SETBP1: variants seen among roughly 807,000 people sequenced by gnomAD.
SETBP1 encodes the protein SET-binding protein.
Under a neutral mutation model 101.0 loss-of-function variants are expected in SETBP1, and 9 were observed. That is an observed-to-expected ratio of 0.09 (90% CI 0.05 to 0.16). The LOEUF is 0.16. Among genes scored for constraint, SETBP1 ranks in the 10% least tolerant of loss-of-function variants. The pLI is 1.00. For synonymous variants in SETBP1, 818 were observed against 788.5 expected (o/e 1.04, Z -0.63); for missense variants, 1,858 against 2,033.8 (o/e 0.91, Z 1.66).
At chr18:44,834,384 G>T (rs1228904820) in intron 2 of SETBP1, among the ~76,000 whole-genome samples, 1 of 152,194 alleles carries the variant, frequency 6.6e-6, no homozygotes, top group Non-Finnish European at 1.5e-5. Flanking sequence ...ATGGTTAATT[G>T]CTAAGTACGT....
At chr18:45,030,125 C>A (rs1314316341) in intron 4 of SETBP1, among the ~76,000 whole-genome samples, 2 of 149,692 alleles carry the variant, frequency 1.3e-5, no homozygotes, top group East Asian at 2.0e-4. Context: ...TTTGCCCATT[C>A]CGTATGATAT....
chr18:44,978,587 A>T (rs947993967), intron 4 of SETBP1, among the ~76,000 whole-genome samples: 6 of 152,218 alleles, frequency 3.9e-5, no homozygotes, highest in African/African-American at 1.4e-4. Flanking sequence ...GCTCCATTTA[A>T]CAGATTTAAC....
rs781396563 is a variant in SETBP1, at chr18:44,952,348, C to T, written c.3008C>T (p.Pro1003Leu). The change falls in exon 4 of 6, where the codon CCG (proline) becomes CTG (leucine). Residue 1003 changes from proline to leucine, a missense_variant. Transcript: ENST00000649279. ...CCGGTGCCATATATCCAGTATGACC[C>T]GTTGCTCTATCTTCGTAGGACTTCA... ...YYPVPYIQYDPLLYLRRTSDL... is the reference protein window; with the variant it reads ...YYPVPYIQYDLLLYLRRTSDL... The T allele has an allele frequency of 6.2e-7, 1 of 1,614,022 alleles. No individual in the cohort carries two copies. The highest frequency in any genetic ancestry group is 8.5e-7 in the Non-Finnish European group (1 of 1,180,014).
At position 45,038,497 on chromosome 18, in the gene SETBP1, C is replaced by A. The variant is rs1371131261; in HGVS notation, c.4013C>A (p.Pro1338His). 2 of 1,613,912 alleles carry A rather than the reference C, an allele frequency of 1.2e-6. No homozygotes were observed. The highest frequency in any genetic ancestry group is 2.7e-5 in the African/African-American group (2 of 74,864). ...DSSMSPGMPS[P>H]HLKVDQTAVH... is the part of the protein sequence containing the mutation. ...TGTTATTTTTTAGGGATGCCAAGTCCCCACTTAAAAGTGGACCAGACAGCA... is the reference window on the plus strand; with the variant it reads ...TGTTATTTTTTAGGGATGCCAAGTCACCACTTAAAAGTGGACCAGACAGCA... Residue 1338 changes from proline (P) to histidine (H), a missense_variant, in exon 5 of 6, where the codon CCC becomes CAC. By Grantham distance (77) the Pro-to-His change is moderately conservative. Coordinates refer to ENST00000649279, the MANE Select transcript of SETBP1 (RefSeq NM_015559.3).
At chr18:44,729,426 GGC>G (rs2069786644) in intron 2 of SETBP1, among the ~76,000 whole-genome samples, 1 of 152,196 alleles carries the variant, frequency 6.6e-6, no homozygotes, top group Non-Finnish European at 1.5e-5. Flanking sequence ...TGATATAAAA[GGC>G]ATTAAGCAGG....
intron 2 of SETBP1, among the ~76,000 whole-genome samples, chr18:44,857,981 A>G (rs1462213108): frequency 6.6e-6 from 1 of 152,148 alleles, no homozygotes; most frequent in African/African-American, 2.4e-5. Context: ...TGAGACGCAA[A>G]TACACACATA....
chr18:44,701,262 T>G lies in SETBP1; in HGVS notation c.-85T>G. On this transcript the variant is annotated 5_prime_UTR_variant, in exon 2 of 6. Transcript: ENST00000649279. ...CAACTGGACCACTTTGTTCTTGGAA[T>G]TTTGGGTGTCCTCTTTTCTCACCTT... 1 of 1,423,968 alleles carries G rather than the reference T, an allele frequency of 7.0e-7. No individual in the cohort carries two copies. The highest frequency in any genetic ancestry group is 1.4e-5 in the African/African-American group (1 of 69,308). The allele number at this position is 1,423,968 out of a possible 1,614,324, so 88.2% of individuals were successfully genotyped here. A position where few individuals can be genotyped will look rare whatever the true frequency, so the allele number is the denominator to read the frequency against.
rs576794968 is a variant in SETBP1 at position 44,929,654 on chromosome 18, C to G, written c.541-20227C>G. On this transcript the variant is annotated intron_variant, in intron 3 of 5. Transcript: ENST00000649279. ...TCTCCTTGAAGAGGTCCTTCACATC[C>G]CTTGTAAGTTGGATTCCTAGGTATT... Among the ~76,000 whole-genome samples the G allele has an allele frequency of 2.0e-3, 299 of 152,180 alleles. 1 individual carries two copies. The highest frequency in any genetic ancestry group is 3.5e-3 in the Non-Finnish European group (235 of 68,020).
intron 3 of SETBP1, among the ~76,000 whole-genome samples, chr18:44,914,806 A>G (rs2070390093): frequency 6.6e-6 from 1 of 152,142 alleles, no homozygotes; most frequent in African/African-American, 2.4e-5. Context: ...TCCAATTCCC[A>G]GACCAGTGCT....
chr18:45,060,546 A>C (rs1166313034), intron 5 of SETBP1, among the ~76,000 whole-genome samples: 1 of 152,182 alleles, frequency 6.6e-6, no homozygotes, highest in Non-Finnish European at 1.5e-5. Flanking sequence ...TTAAAAAAAA[A>C]ATGACAAAAA....
At chr18:44,856,579 A>G (rs756907107) in intron 2 of SETBP1, among the ~76,000 whole-genome samples, 4 of 152,228 alleles carry the variant, frequency 2.6e-5, no homozygotes, top group Non-Finnish European at 5.9e-5. Context: ...AATGCTTTAT[A>G]TCTTGAAATA....
chr18:44,918,867 G>A (rs574712926), intron 3 of SETBP1, among the ~76,000 whole-genome samples: 13 of 152,316 alleles, frequency 8.5e-5, no homozygotes, highest in African/African-American at 3.1e-4. Context: ...CAGTTCAACA[G>A]AACTGTAGGG....
chr18:45,026,351 A>G (rs1336703065), intron 4 of SETBP1, among the ~76,000 whole-genome samples: 1 of 152,194 alleles, frequency 6.6e-6, no homozygotes, highest in African/African-American at 2.4e-5. Context: ...ATCCAAGGAC[A>G]TGACTAGTGT....
At chr18:44,955,465 C>T (rs965301103) in intron 4 of SETBP1, among the ~76,000 whole-genome samples, 4 of 152,236 alleles carry the variant, frequency 2.6e-5, no homozygotes, top group African/African-American at 9.6e-5. Flanking sequence ...GTCTGCCCAT[C>T]TGTAACTCAT....
chr18:44,976,245 C>T (rs991263635), intron 4 of SETBP1, among the ~76,000 whole-genome samples: 1 of 152,212 alleles, frequency 6.6e-6, no homozygotes. Flanking sequence ...AGAGGAGAGC[C>T]GCCGTGGGTT....
intron 3 of SETBP1, among the ~76,000 whole-genome samples, chr18:44,917,341 C>T (rs2070453135): frequency 6.6e-6 from 1 of 152,140 alleles, no homozygotes; most frequent in South Asian, 2.1e-4. Flanking sequence ...AGGGTCACTG[C>T]CTGGGGAGAG....
chr18:44,754,972 C>A (rs770416401), intron 2 of SETBP1, among the ~76,000 whole-genome samples: 6 of 152,210 alleles, frequency 3.9e-5, no homozygotes, highest in Non-Finnish European at 7.3e-5. Flanking sequence ...AATCATTATT[C>A]TGTCCTGGCA....
chr18:44,819,222 T>C lies in SETBP1; in HGVS notation c.487-50008T>C, dbSNP rs538891181. On this transcript the variant is annotated intron_variant, in intron 2 of 5. Coordinates refer to ENST00000649279, the MANE Select transcript of SETBP1 (RefSeq NM_015559.3). The stretch of plus-strand genomic sequence containing the variant: ...TCAAAATGCTACCTTTGGTTGGAGA[T>C]GGGCAATCCATCACCTGGTTTCCTT... Among the ~76,000 whole-genome samples the C allele has an allele frequency of 1.1e-3, 171 of 152,302 alleles. 2 individuals are homozygous for C. The highest frequency in any genetic ancestry group is 4.0e-3 in the African/African-American group (167 of 41,562).
intron 4 of SETBP1, among the ~76,000 whole-genome samples, chr18:44,957,900 A>G (rs1347722719): frequency 1.3e-5 from 2 of 152,322 alleles, no homozygotes; most frequent in Middle Eastern, 3.4e-3. Context: ...CTGATGAAAT[A>G]TAATCTTTTT....
Sources: allele counts gnomAD v4.1 joint callset (sites outside exome capture counted in the v4.1 genomes callset), GRCh38; gene constraint gnomAD v4.1.1; transcripts MANE v1.5; gene names NCBI Gene and HGNC (gene_info 2026-07-23, HGNC 2026-07-21).